DLGAP2: variants seen among roughly 807,000 people sequenced by gnomAD.
The protein encoded by DLGAP2 is disks large-associated protein 2.
DLGAP2 carries 26 observed loss-of-function variants against 100.3 expected under a neutral mutation model. That is an observed-to-expected ratio of 0.26 (90% CI 0.19 to 0.36). The LOEUF (loss-of-function observed/expected upper bound fraction) is 0.36, where lower values mean the gene tolerates loss of function less well. Ranked by LOEUF, DLGAP2 falls within the 10% of genes least tolerant of loss-of-function variation. The pLI, the probability that DLGAP2 is intolerant of heterozygous loss-of-function variation, is 1.00. For missense variants in DLGAP2, 1,858 were observed against 1,453.2 expected (o/e 1.28, Z -4.53); for synonymous variants, 886 against 630.1 (o/e 1.41, Z -6.08).
intron 2 of DLGAP2, among the ~76,000 whole-genome samples, chr8:1,206,053 C>T (rs1224873146): frequency 6.6e-6 from 1 of 152,136 alleles, no homozygotes; most frequent in Non-Finnish European, 1.5e-5. Context: ...GTTCAGGGAG[C>T]CATCTCAGTC....
At position 1,511,494 on chromosome 8, in the gene DLGAP2, C is replaced by G. The variant is rs139118222; in HGVS notation, c.172+10063C>G. ...TGTAGGACAATCAATAGATGACCAT[C>G]TTCCATGGGCGTAAGTGCTGTCTAG... On this transcript the variant is annotated intron_variant, in intron 4 of 14. Coordinates refer to ENST00000637795, the MANE Select transcript of DLGAP2 (RefSeq NM_001346810.2). 7.3e-5 allele frequency among the ~76,000 whole-genome samples: 11 copies of G among 151,698 alleles called. No homozygotes were observed. In the East Asian group the frequency reaches 2.2e-3, roughly 30 times the overall value.
intron 3 of DLGAP2, among the ~76,000 whole-genome samples, chr8:1,331,500 A>G (rs1322060382): frequency 6.6e-6 from 1 of 152,012 alleles, no homozygotes; most frequent in African/African-American, 2.4e-5. Flanking sequence ...GCCTTTTCTG[A>G]TTTTTTAGGG....
At chr8:959,523 C>G (rs1799673745) in intron 2 of DLGAP2, among the ~76,000 whole-genome samples, 1 of 152,226 alleles carries the variant, frequency 6.6e-6, no homozygotes, top group Admixed American at 6.5e-5. Context: ...TCCAGGGCAG[C>G]CTTGTGCAAC....
intron 1 of DLGAP2, among the ~76,000 whole-genome samples, chr8:887,053 T>C (rs1279114520): frequency 6.6e-6 from 1 of 152,242 alleles, no homozygotes; most frequent in South Asian, 2.1e-4. Context: ...TGGATACTCC[T>C]TTATTGGGTG....
At chr8:1,573,249 T>A in intron 6 of DLGAP2, among the ~76,000 whole-genome samples, 1 of 103,844 alleles carries the variant, frequency 9.6e-6, no homozygotes. Context: ...AGGGGCGTCT[T>A]CTGGGATGGA....
chr8:1,287,204 AGTGTGTGTGT>A (rs142438693), intron 3 of DLGAP2, among the ~76,000 whole-genome samples: 2 of 108,942 alleles, frequency 1.8e-5, no homozygotes, highest in East Asian at 5.7e-4. Flanking sequence ...GTTTTGGTTC[AGTGTGTGTGT>A]GTGTGTGTGT....
intron 3 of DLGAP2, among the ~76,000 whole-genome samples, chr8:1,414,862 A>G (rs1271844286): frequency 6.6e-6 from 1 of 152,146 alleles, no homozygotes; most frequent in Non-Finnish European, 1.5e-5. Context: ...TACAAAAATT[A>G]GCCAGGCGTG....
rs370412091 is a variant in DLGAP2 at position 1,064,856 on chromosome 8, A to G, written c.73+156890A>G. Among the ~76,000 whole-genome samples the G allele has an allele frequency of 1.2e-4, 19 of 152,296 alleles. No individual in the cohort carries two copies. In the South Asian group the frequency reaches 3.9e-3, roughly 32 times the overall value. On this transcript the variant is annotated intron_variant, in intron 2 of 14. Coordinates refer to ENST00000637795, the MANE Select transcript of DLGAP2 (RefSeq NM_001346810.2). ...TTCACCCCCCTCCACCCTGACATGC[A>G]CACACCTGGCCCCTGCACACACCTA...
chr8:1,607,220 C>T (rs2957071), intron 6 of DLGAP2, among the ~76,000 whole-genome samples: 112,404 of 152,108 alleles, frequency 0.74, 41,789 homozygotes, highest in East Asian at 0.92. Flanking sequence ...ATCCATCATT[C>T]TTTAAAATCT....
chr8:1,186,864 A>G (rs996506410), intron 2 of DLGAP2, among the ~76,000 whole-genome samples: 1 of 151,968 alleles, frequency 6.6e-6, no homozygotes, highest in Non-Finnish European at 1.5e-5. Context: ...TCACCTTCAC[A>G]TGCCCCCACG....
At chr8:996,278 C>A (rs576441313) in intron 2 of DLGAP2, among the ~76,000 whole-genome samples, 1 of 152,176 alleles carries the variant, frequency 6.6e-6, no homozygotes, top group Non-Finnish European at 1.5e-5. Context: ...CAGAATCACT[C>A]AGGTTTCTTT....
At chr8:1,673,064 A>G (rs1393049563) in intron 10 of DLGAP2, among the ~76,000 whole-genome samples, 2 of 152,220 alleles carry the variant, frequency 1.3e-5, no homozygotes, top group East Asian at 3.9e-4. Flanking sequence ...GAGGTGGGAC[A>G]GTGATTTTGC....
chr8:995,061 A>G (rs1383946980), intron 2 of DLGAP2, among the ~76,000 whole-genome samples: 1 of 152,228 alleles, frequency 6.6e-6, no homozygotes, highest in Admixed American at 6.5e-5. Flanking sequence ...CTCAGAGTCC[A>G]TAAACATGTC....
At position 859,933 on chromosome 8, in the gene DLGAP2, A is replaced by G. The variant is rs144305499; in HGVS notation, c.19-47979A>G. 3.7e-3 allele frequency among the ~76,000 whole-genome samples: 565 copies of G among 152,154 alleles called. 2 individuals are homozygous for G. Among genetic ancestry groups the G allele is most frequent in the South Asian group, 0.01 (49 of 4,816 alleles). On this transcript the variant is annotated intron_variant, in intron 1 of 14. Coordinates refer to ENST00000637795, the MANE Select transcript of DLGAP2 (RefSeq NM_001346810.2). Reference sequence around the variant, plus strand: ...GTGGGCTTCCCGTAACATTTCCAGTATTGAGGTGTTGCTGTTGCTGTTGTT... The same window carrying G: ...GTGGGCTTCCCGTAACATTTCCAGTGTTGAGGTGTTGCTGTTGCTGTTGTT...
chr8:1,261,255 C>A, intron 3 of DLGAP2, among the ~76,000 whole-genome samples: 1 of 149,264 alleles, frequency 6.7e-6, no homozygotes, highest in Admixed American at 6.7e-5. Flanking sequence ...ATATTTAAAA[C>A]AAGACAGAAT....
intron 3 of DLGAP2, among the ~76,000 whole-genome samples, chr8:1,413,328 A>T (rs1335641097): frequency 1.3e-5 from 2 of 152,236 alleles, no homozygotes; most frequent in African/African-American, 2.4e-5. Flanking sequence ...ATTTTCAAGA[A>T]CAGAGGAAGA....
chr8:981,808 G>C (rs939005505), intron 2 of DLGAP2, among the ~76,000 whole-genome samples: 11 of 152,166 alleles, frequency 7.2e-5, no homozygotes, highest in African/African-American at 2.7e-4. Context: ...ATATATTGTG[G>C]ATATTAATCT....
At chr8:1,256,527 C>G (rs1383196717) in intron 2 of DLGAP2, among the ~76,000 whole-genome samples, 4 of 135,222 alleles carry the variant, frequency 3.0e-5, no homozygotes, top group African/African-American at 1.4e-4. Context: ...GTGTGCCCGT[C>G]TCATCCTGCC....
intron 3 of DLGAP2, among the ~76,000 whole-genome samples, chr8:1,336,921 T>A (rs1281090587): frequency 6.6e-6 from 1 of 152,194 alleles, no homozygotes; most frequent in Non-Finnish European, 1.5e-5. Context: ...CAAAATGACA[T>A]TGAGCAATTC....
Sources: allele counts gnomAD v4.1 joint callset (sites outside exome capture counted in the v4.1 genomes callset), GRCh38; gene constraint gnomAD v4.1.1; transcripts MANE v1.5; gene names NCBI Gene and HGNC (gene_info 2026-07-23, HGNC 2026-07-21).